The following DOCK5 variants were observed in gnomAD, a reference collection of about 807,000 sequenced individuals.
DOCK5 encodes the protein dedicator of cytokinesis 5.
Under a neutral mutation model 251.8 loss-of-function variants are expected in DOCK5, and 142 were observed. That is an observed-to-expected ratio of 0.56 (90% CI 0.49 to 0.65). The LOEUF is 0.65. DOCK5 is among the 30% of genes least tolerant of loss of function. The probability of loss-of-function intolerance (pLI) is 0.00; values close to 1 mark genes in which losing one functional copy is unlikely to be tolerated. For synonymous variants in DOCK5, 842 were observed against 835.5 expected (o/e 1.01, Z -0.13); for missense variants, 2,111 against 2,312.3 (o/e 0.91, Z 1.79).
At chr8:25,291,384 C>T (rs1804481526) in intron 5 of DOCK5, among the ~76,000 whole-genome samples, 3 of 152,086 alleles carry the variant, frequency 2.0e-5, no homozygotes, top group African/African-American at 4.8e-5. Context: ...GATTAAATAA[C>T]ACCTTATAAA....
intron 6 of DOCK5, among the ~76,000 whole-genome samples, 157 bp from the exon 7 acceptor site, chr8:25,296,356 G>A (rs1804614556): frequency 6.6e-6 from 1 of 152,202 alleles, no homozygotes; most frequent in South Asian, 2.1e-4. Context: ...AAAGGTGGCA[G>A]AAACTGAAAT....
chr8:25,396,856 C>T lies in DOCK5; in HGVS notation c.4704+1137C>T, dbSNP rs1341858220. 2.6e-5 allele frequency among the ~76,000 whole-genome samples: 4 copies of T among 151,458 alleles called. No individual in the cohort carries two copies. The East Asian group carries it at 7.8e-4, about 30-fold the overall frequency. On this transcript the variant is annotated intron_variant, in intron 45 of 51. Coordinates refer to ENST00000276440, the MANE Select transcript of DOCK5 (RefSeq NM_024940.8). Reference sequence around the variant, plus strand: ...GCTCCCAGGACCCAGTTCTGGCTTCCAATTGGCCACTGTGTGCTCTGGGCA... The same window carrying T: ...GCTCCCAGGACCCAGTTCTGGCTTCTAATTGGCCACTGTGTGCTCTGGGCA...
intron 2 of DOCK5, among the ~76,000 whole-genome samples, chr8:25,255,114 A>T (rs763403580): frequency 6.6e-6 from 1 of 152,190 alleles, no homozygotes; most frequent in South Asian, 2.1e-4. Flanking sequence ...GGGAATGCAA[A>T]ATGGTACAGC....
At chr8:25,254,773 C>CAAAAAAAAAAAAAAAAA (rs745860086) in intron 2 of DOCK5, among the ~76,000 whole-genome samples, 1 of 6,566 alleles carries the variant, frequency 1.5e-4, no homozygotes, top group African/African-American at 4.6e-4. Context: ...GACTTTGTCT[C>CAAAAAAAAAAAAAAAAA]AAAAAAAAAC....
intron 5 of DOCK5, among the ~76,000 whole-genome samples, chr8:25,280,045 G>T (rs1295108297): frequency 2.0e-5 from 3 of 152,320 alleles, no homozygotes; most frequent in South Asian, 4.1e-4. Context: ...GATTACGGGC[G>T]TGAGCCACTG....
At chr8:25,216,159 A>G (rs1416765099) in intron 1 of DOCK5, among the ~76,000 whole-genome samples, 1 of 149,256 alleles carries the variant, frequency 6.7e-6, no homozygotes, top group Non-Finnish European at 1.5e-5. Flanking sequence ...CAATATGTAT[A>G]TATGTATACA....
chr8:25,210,046 G>A (rs544511778), intron 1 of DOCK5, among the ~76,000 whole-genome samples: 417 of 21,450 alleles, frequency 0.019, 115 homozygotes, highest in African/African-American at 0.058. Flanking sequence ...ATGTGTGTGT[G>A]TGTGTGTGTG....
chr8:25,362,754 A>C (rs753709766), intron 28 of DOCK5, among the ~76,000 whole-genome samples: 9 of 151,948 alleles, frequency 5.9e-5, no homozygotes, highest in African/African-American at 2.2e-4. Flanking sequence ...CCTACTTTCT[A>C]TGCCCTTAAG....
intron 13 of DOCK5, among the ~76,000 whole-genome samples, chr8:25,312,761 C>CAAAAA (rs3085652): frequency 1.8e-5 from 2 of 113,900 alleles, no homozygotes; most frequent in African/African-American, 3.5e-5. Flanking sequence ...GACTCCGTCT[C>CAAAAA]AAAAAAAAAA....
chr8:25,286,830 A>T (rs749724941), intron 5 of DOCK5, among the ~76,000 whole-genome samples: 25 of 151,952 alleles, frequency 1.6e-4, no homozygotes, highest in African/African-American at 2.4e-4. Flanking sequence ...CATCTGGCTA[A>T]TTTTTTATTT....
At chr8:25,261,864 A>G (rs1586274883) in intron 2 of DOCK5, among the ~76,000 whole-genome samples, 1 of 152,068 alleles carries the variant, frequency 6.6e-6, no homozygotes, top group East Asian at 1.9e-4. Flanking sequence ...AGATGTGTCT[A>G]TTGTGTTTGG....
chr8:25,235,457 C>T (rs992768781), intron 1 of DOCK5, among the ~76,000 whole-genome samples: 1 of 152,076 alleles, frequency 6.6e-6, no homozygotes, highest in Admixed American at 6.6e-5. Context: ...CAGGGTCTCC[C>T]TATGTTGCCC....
At chr8:25,388,486 G>A (rs980539835) in intron 40 of DOCK5, among the ~76,000 whole-genome samples, 39 of 152,222 alleles carry the variant, frequency 2.6e-4, no homozygotes, top group African/African-American at 9.4e-4. Context: ...ACAGTCTAGA[G>A]TGGAGAAAAT....
intron 16 of DOCK5, among the ~76,000 whole-genome samples, chr8:25,323,171 C>G (rs1180713122): frequency 6.6e-6 from 1 of 152,176 alleles, no homozygotes; most frequent in Non-Finnish European, 1.5e-5. Context: ...TCTGCCTCCT[C>G]ATGAAGCTGC....
intron 13 of DOCK5, among the ~76,000 whole-genome samples, chr8:25,311,268 G>A (rs143393489): frequency 6.6e-6 from 1 of 152,266 alleles, no homozygotes; most frequent in African/African-American, 2.4e-5. Context: ...GCTTGGCCGA[G>A]CAGGGTGGCT....
chr8:25,254,778 A>T (rs1298386619), intron 2 of DOCK5, among the ~76,000 whole-genome samples: 1 of 129,014 alleles, frequency 7.8e-6, no homozygotes, highest in Non-Finnish European at 1.6e-5. Flanking sequence ...TGTCTCAAAA[A>T]AAAACAAAAC....
chr8:25,278,608 G>A lies in DOCK5; in HGVS notation c.264G>A (p.Val88=), dbSNP rs1224841624. Residue 88 remains valine (V), a synonymous_variant, in exon 5 of 52, where the codon GTG becomes GTA. Transcript: ENST00000276440. ...ETVIPGELPL[V]QELTSTLREW... ...TGATTCCTGGCGAGCTCCCCCTGGT[G>A]CAGGAGCTCACGTCCACTCTGCGAG... 1 of 1,613,864 alleles carries A rather than the reference G, an allele frequency of 6.2e-7. No homozygotes were observed. Among genetic ancestry groups the A allele is most frequent in the South Asian group, 1.1e-5 (1 of 91,096 alleles).
At chr8:25,255,184 G>A (rs995122924) in intron 2 of DOCK5, among the ~76,000 whole-genome samples, 1 of 152,294 alleles carries the variant, frequency 6.6e-6, no homozygotes, top group Non-Finnish European at 1.5e-5. Flanking sequence ...ATCACACAAT[G>A]CAGCAATTTC....
intron 49 of DOCK5, among the ~76,000 whole-genome samples, chr8:25,408,430 C>T (rs1801561445): frequency 6.6e-6 from 1 of 152,188 alleles, no homozygotes; most frequent in African/African-American, 2.4e-5. Flanking sequence ...ACTCTGTCCC[C>T]TGAGTCAATC....
Sources: gnomAD v4.1 joint callset for allele counts (sites outside exome capture counted in the v4.1 genomes callset) on GRCh38, gnomAD v4.1.1 for gene constraint, MANE v1.5 for transcripts, NCBI Gene and HGNC (gene_info 2026-07-23, HGNC 2026-07-21) for gene names.